Variants in NRG1 observed in about 807,000 individuals in gnomAD.
NRG1 encodes the protein pro-neuregulin-1, membrane-bound isoform.
Under a neutral mutation model 63.8 loss-of-function variants are expected in NRG1, and 18 were observed. The observed-to-expected ratio is 0.28, with a 90% confidence interval of 0.19 to 0.42. NRG1 has a LOEUF of 0.42. Among genes scored for constraint, NRG1 ranks in the 10% least tolerant of loss-of-function variants. The pLI, the probability that NRG1 is intolerant of heterozygous loss-of-function variation, is 1.00. For synonymous variants in NRG1, 302 were observed against 301.3 expected (o/e 1.00, Z -0.02); for missense variants, 762 against 814.7 (o/e 0.94, Z 0.79).
rs540660578 is a variant in NRG1 at position 32,011,724 on chromosome 8, C to T, written c.37+372293C>T. 5.3e-5 allele frequency among the ~76,000 whole-genome samples: 8 copies of T among 152,166 alleles called. No individual in the cohort carries two copies. In the South Asian group the frequency reaches 1.7e-3, roughly 32 times the overall value. On this transcript the variant is annotated intron_variant, in intron 1 of 10. Transcript: ENST00000519301. ...TGGAAGCAATAGAAAGTCAGGAGAA[C>T]AGGGTGGGGCTGAGGCATGCCTGGT...
At chr8:32,249,374 C>T (rs1055727961) in intron 1 of NRG1, among the ~76,000 whole-genome samples, 1 of 152,098 alleles carries the variant, frequency 6.6e-6, no homozygotes, top group African/African-American at 2.4e-5. Flanking sequence ...TCCATTCTAA[C>T]ATTTAAGCCA....
At chr8:31,719,184 A>G (rs1347931721) in intron 1 of NRG1, among the ~76,000 whole-genome samples, 3 of 152,242 alleles carry the variant, frequency 2.0e-5, no homozygotes, top group Non-Finnish European at 2.9e-5. Context: ...TCAAACATCT[A>G]TTTATGGTAA....
chr8:31,726,078 A>G lies in NRG1; in HGVS notation c.37+86647A>G, dbSNP rs544272220. Among the ~76,000 whole-genome samples, 129 of 152,292 alleles carry G rather than the reference A, an allele frequency of 8.5e-4. 1 individual carries two copies. The highest frequency in any genetic ancestry group is 1.5e-3 in the South Asian group (7 of 4,826). ...ATCCCACTTTATTATAGGAGATAGAACATCGACTGTGCCTAACCTAAATTA... is the reference window on the plus strand; with the variant it reads ...ATCCCACTTTATTATAGGAGATAGAGCATCGACTGTGCCTAACCTAAATTA... On this transcript the variant is annotated intron_variant, in intron 1 of 10. Transcript: ENST00000519301.
At chr8:31,961,703 T>C (rs574131057) in intron 1 of NRG1, among the ~76,000 whole-genome samples, 87 of 152,164 alleles carry the variant, frequency 5.7e-4, no homozygotes, top group African/African-American at 1.3e-3. Context: ...CCAACTGAGA[T>C]TGGAGTATGG....
intron 5 of NRG1, among the ~76,000 whole-genome samples, chr8:32,679,286 G>A (rs1808000059): frequency 2.0e-5 from 3 of 152,182 alleles, no homozygotes; most frequent in Non-Finnish European, 4.4e-5. Flanking sequence ...CATAATGCCA[G>A]CGATTTAACT....
chr8:31,826,332 T>C (rs746054591), intron 1 of NRG1, among the ~76,000 whole-genome samples: 1 of 151,996 alleles, frequency 6.6e-6, no homozygotes, highest in Non-Finnish European at 1.5e-5. Context: ...TGGCAGGAGG[T>C]AATTGAATCA....
At chr8:32,431,574 A>T (rs1818157804) in intron 1 of NRG1, among the ~76,000 whole-genome samples, 1 of 152,120 alleles carries the variant, frequency 6.6e-6, no homozygotes, top group African/African-American at 2.4e-5. Flanking sequence ...GAGAGTTAAT[A>T]TTCTCAGAGT....
chr8:32,305,388 A>G (rs1040811193), intron 1 of NRG1, among the ~76,000 whole-genome samples: 6 of 151,894 alleles, frequency 4.0e-5, no homozygotes, highest in African/African-American at 1.2e-4. Context: ...TACGAATATA[A>G]TAAAACCAGA....
At chr8:32,602,185 T>C (rs1042867935) in intron 2 of NRG1, among the ~76,000 whole-genome samples, 8 of 152,152 alleles carry the variant, frequency 5.3e-5, no homozygotes, top group East Asian at 1.9e-4. Context: ...TTCACTGAGA[T>C]GCATTGTTGT....
chr8:32,121,752 A>G (rs1585441759), intron 1 of NRG1, among the ~76,000 whole-genome samples: 1 of 152,110 alleles, frequency 6.6e-6, no homozygotes, highest in East Asian at 1.9e-4. Context: ...GCATAAATTT[A>G]TAGATCCTTG....
intron 1 of NRG1, among the ~76,000 whole-genome samples, chr8:31,981,040 T>TAGA (rs1304887959): frequency 6.6e-6 from 1 of 152,042 alleles, no homozygotes; most frequent in Admixed American, 6.6e-5. Context: ...GATATTTATG[T>TAGA]CTTGGTTTAG....
intron 1 of NRG1, among the ~76,000 whole-genome samples, chr8:31,655,166 A>G (rs1331817474): frequency 6.6e-6 from 1 of 152,112 alleles, no homozygotes; most frequent in African/African-American, 2.4e-5. Context: ...TACTTTTTTC[A>G]TTTACTTATT....
At chr8:32,038,519 A>G (rs1486976530) in intron 1 of NRG1, among the ~76,000 whole-genome samples, 5 of 151,834 alleles carry the variant, frequency 3.3e-5, no homozygotes. Flanking sequence ...TCATGGCAAT[A>G]ACTGTTTCTG....
chr8:31,835,477 G>A (rs1825604447), intron 1 of NRG1, among the ~76,000 whole-genome samples: 1 of 152,140 alleles, frequency 6.6e-6, no homozygotes. Flanking sequence ...GCAGGAAATG[G>A]CTGTAGTATA....
At position 31,989,253 on chromosome 8, in the gene NRG1, C is replaced by CAAAAAAAAAAA. The variant is rs10692906; in HGVS notation, c.37+349832_37+349842dup. ...CCTGGGTGAGAGAGAGACTCTGTCTCAAAAAAAAAAAAAAAAAAAAGAACA... is the reference window on the plus strand; with the variant it reads ...CCTGGGTGAGAGAGAGACTCTGTCTCAAAAAAAAAAAAAAAAAAAAAAAAAAAAAAAGAACA... On this transcript the variant is annotated intron_variant, in intron 1 of 10. Transcript: ENST00000519301. Among the ~76,000 whole-genome samples, 59 of 47,464 alleles carry CAAAAAAAAAAA rather than the reference C, an allele frequency of 1.2e-3. 3 individuals are homozygous for CAAAAAAAAAAA. Among genetic ancestry groups the CAAAAAAAAAAA allele is most frequent in the South Asian group, 4.2e-3 (3 of 710 alleles). The allele number at this position is 47,464 out of a possible 152,430, so 31.1% of individuals were successfully genotyped here.
intron 1 of NRG1, among the ~76,000 whole-genome samples, chr8:32,114,336 C>A (rs190249211): frequency 4.6e-5 from 7 of 152,292 alleles, no homozygotes; most frequent in African/African-American, 1.7e-4. Flanking sequence ...GGAAGTGATG[C>A]GATAAAACAG....
chr8:31,860,730 A>G (rs1828396260), intron 1 of NRG1, among the ~76,000 whole-genome samples: 3 of 152,198 alleles, frequency 2.0e-5, no homozygotes, highest in Admixed American at 2.0e-4. Flanking sequence ...TAAGGCAAAG[A>G]TCACTTTCAA....
At chr8:32,449,145 C>T (rs901569591) in intron 1 of NRG1, among the ~76,000 whole-genome samples, 2 of 151,696 alleles carry the variant, frequency 1.3e-5, no homozygotes, top group African/African-American at 2.4e-5. Flanking sequence ...AAAAGTACAA[C>T]AATTAGCTGG....
At chr8:32,236,643 G>A (rs1027719273) in intron 1 of NRG1, among the ~76,000 whole-genome samples, 2 of 151,986 alleles carry the variant, frequency 1.3e-5, no homozygotes, top group Non-Finnish European at 2.9e-5. Flanking sequence ...CAGCTTACTC[G>A]TTGCTCAAAA....
Sources: gnomAD v4.1 joint callset for allele counts (sites outside exome capture counted in the v4.1 genomes callset) on GRCh38, gnomAD v4.1.1 for gene constraint, MANE v1.5 for transcripts, NCBI Gene and HGNC (gene_info 2026-07-23, HGNC 2026-07-21) for gene names.